Variants in ENTPD3 observed in about 807,000 individuals in gnomAD.
ENTPD3 encodes the protein CD39 antigen-like 3.
In ENTPD3, 60 loss-of-function variants were observed where a neutral mutation model predicts 51.2. The observed-to-expected ratio is 1.17, with a 90% CI of 0.95 to 1.45. The LOEUF (loss-of-function observed/expected upper bound fraction) is 1.45. ENTPD3 is among the 40% of genes most tolerant of loss of function. ENTPD3 has a pLI of 0.00. For synonymous variants in ENTPD3, 221 were observed against 238.4 expected, an observed-to-expected ratio of 0.93 and a Z score of 0.67; for missense variants, 593 against 641.1, an observed-to-expected ratio of 0.93 and a Z score of 0.81.
In ENTPD3 at chr3:40,427,453, C is replaced by T. The variant is rs1395423475; in HGVS notation, c.1535C>T (p.Thr512Ile). Residue 512 changes from threonine to isoleucine, a missense_variant, in exon 11 of 11, where the codon ACC becomes ATC. Thr to Ile is a moderately conservative substitution (Grantham distance 89, BLOSUM62 -1). Transcript: ENST00000301825. ...TTTCTTGCATACCTGTGTTCAGCAA[C>T]CAGAAGAAAGAGGCACTCCGAGCAT... ...LAFLAYLCSA[T>I]RRKRHSEHAF... 6.2e-7 allele frequency: 1 copy of T among 1,614,130 alleles called. No homozygotes were observed. The highest frequency in any genetic ancestry group is 1.3e-5 in the African/African-American group (1 of 75,042).
At chr3:40,420,448 C>T (rs918672857) in intron 7 of ENTPD3, among the ~76,000 whole-genome samples, 2 of 151,844 alleles carry the variant, frequency 1.3e-5, no homozygotes, top group Non-Finnish European at 2.9e-5. Context: ...ACTGTGTTAG[C>T]CAGGATGGCC....
intron 4 of ENTPD3, among the ~76,000 whole-genome samples, chr3:40,406,352 G>C (rs1321324673): frequency 6.6e-6 from 1 of 152,208 alleles, no homozygotes; most frequent in African/African-American, 2.4e-5. Context: ...ACTGAAGCTA[G>C]AGCCAAGGCC....
rs1460841231 is a variant in ENTPD3, at chr3:40,414,773, T to C, written c.530T>C (p.Ile177Thr). The change falls in exon 6 of 11, where the codon ATT becomes ACT. Residue 177 changes from isoleucine to threonine, a missense_variant. Physicochemically the swap from Ile to Thr is moderately conservative, Grantham distance 89 (BLOSUM62 -1). Transcript: ENST00000301825. ...TTTGACTTTAGGGGTGCTCAAATCA[T>C]TTCTGGGCAAGAAGAAGGGGTATAT... ...QPFDFRGAQI[I>T]SGQEEGVYGW... is the part of the protein sequence containing the mutation. The C allele has an allele frequency of 6.2e-6, 10 of 1,614,064 alleles. No individual in the cohort carries two copies. Among genetic ancestry groups the C allele is most frequent in the Non-Finnish European group, 8.5e-6 (10 of 1,179,970 alleles).
intron 3 of ENTPD3, among the ~76,000 whole-genome samples, chr3:40,399,963 T>C (rs1302277068): frequency 6.6e-6 from 1 of 152,148 alleles, no homozygotes; most frequent in Admixed American, 6.5e-5. Context: ...TGAGCACTGA[T>C]ACAGGTATTA....
chr3:40,401,245 G>A (rs930356924), intron 4 of ENTPD3, among the ~76,000 whole-genome samples: 2 of 152,164 alleles, frequency 1.3e-5, no homozygotes, highest in Non-Finnish European at 2.9e-5. Context: ...ATGGAAAGGG[G>A]TGGCGTCAAG....
chr3:40,407,887 G>A (rs1027341313), intron 4 of ENTPD3, among the ~76,000 whole-genome samples: 10 of 152,230 alleles, frequency 6.6e-5, no homozygotes, highest in South Asian at 2.1e-4. Context: ...CCCCCAGTGC[G>A]GTGATGTACA....
chr3:40,387,585 T>C (rs1954968034), intron 1 of ENTPD3, among the ~76,000 whole-genome samples: 2 of 152,070 alleles, frequency 1.3e-5, no homozygotes, highest in African/African-American at 4.8e-5. Flanking sequence ...CCGACATCCC[T>C]TTGCAATTTC....
At chr3:40,420,806 T>C (rs1955852564) in intron 7 of ENTPD3, among the ~76,000 whole-genome samples, 2 of 151,990 alleles carry the variant, frequency 1.3e-5, no homozygotes, top group Admixed American at 6.6e-5. Flanking sequence ...AATATGTACC[T>C]CAGTTTCCTC....
At chr3:40,426,141 C>T (rs1318252130) in intron 10 of ENTPD3, among the ~76,000 whole-genome samples, 8 of 134,350 alleles carry the variant, frequency 6.0e-5, no homozygotes, top group Admixed American at 5.1e-4. Flanking sequence ...CGGAGTCTCG[C>T]TCTGTCGCCT....
intron 2 of ENTPD3, chr3:40,391,284 A>G (rs983088900): frequency 1.3e-5 from 2 of 151,968 alleles, no homozygotes; most frequent in Non-Finnish European, 2.9e-5. Flanking sequence ...TCTTTAACTG[A>G]GATTATTTTT....
Position 40,420,534 on chromosome 3 carries a change from C to T in ENTPD3, c.832-2316C>T, listed in dbSNP as rs866593167. On this transcript the variant is annotated intron_variant, in intron 7 of 10. Transcript: ENST00000301825. ...AATTACACGTGTGAGCCACCACGCCCCGCATATTTTTTCTTTCAACCAATA... is the reference window on the plus strand; with the variant it reads ...AATTACACGTGTGAGCCACCACGCCTCGCATATTTTTTCTTTCAACCAATA... Among the ~76,000 whole-genome samples the T allele has an allele frequency of 3.3e-5, 5 of 151,970 alleles. No homozygotes were observed. The East Asian group carries it at 5.8e-4, about 18-fold the overall frequency.
intron 3 of ENTPD3, 109 bp from the exon 4 acceptor site, chr3:40,400,784 TA>T: frequency 1.3e-6 from 1 of 753,462 alleles, no homozygotes; most frequent in Non-Finnish European, 2.2e-6. Flanking sequence ...AGCCCTTCCC[TA>T]AGCGAAGCAG....
chr3:40,416,914 G>A (rs1168309683), intron 7 of ENTPD3, among the ~76,000 whole-genome samples: 23 of 152,140 alleles, frequency 1.5e-4, no homozygotes, highest in Admixed American at 1.3e-3. Context: ...ACCCACGTTC[G>A]TCCAACCTAC....
intron 3 of ENTPD3, among the ~76,000 whole-genome samples, chr3:40,400,369 A>G (rs900858009): frequency 2.0e-5 from 3 of 152,140 alleles, no homozygotes; most frequent in Non-Finnish European, 2.9e-5. Context: ...TAGACTGATA[A>G]GCCTAGAAGT....
At chr3:40,415,750 T>C (rs1955730937) in intron 6 of ENTPD3, 90 bp from the exon 7 acceptor site, 9 of 933,392 alleles carry the variant, frequency 9.6e-6, no homozygotes, top group Non-Finnish European at 1.4e-5. Context: ...TACTTCTTAG[T>C]AATAGGAGAC....
chr3:40,409,885 A>G (rs1255546689), intron 4 of ENTPD3, among the ~76,000 whole-genome samples: 2 of 152,240 alleles, frequency 1.3e-5, no homozygotes, highest in Admixed American at 6.5e-5. Context: ...CAAAGAAAAA[A>G]AAAGTGGAGA....
At chr3:40,399,692 A>C (rs754748622) in intron 3 of ENTPD3, 6 of 152,178 alleles carry the variant, frequency 3.9e-5, no homozygotes, top group Admixed American at 6.5e-5. Context: ...TAGGCTACTA[A>C]TACATGCTCT....
chr3:40,393,791 A>T (rs1474118409), intron 3 of ENTPD3, among the ~76,000 whole-genome samples: 1 of 152,064 alleles, frequency 6.6e-6, no homozygotes, highest in African/African-American at 2.4e-5. Flanking sequence ...CTGTATATAA[A>T]ATTGGGACTT....
At chr3:40,410,477 T>C (rs2125601297) in intron 4 of ENTPD3, among the ~76,000 whole-genome samples, 1 of 151,702 alleles carries the variant, frequency 6.6e-6, no homozygotes, top group South Asian at 2.1e-4. Context: ...GATATCACTA[T>C]TTGCAACCCC....
Sources: allele counts gnomAD v4.1 joint callset (sites outside exome capture counted in the v4.1 genomes callset), GRCh38; gene constraint gnomAD v4.1.1; transcripts MANE v1.5; gene names NCBI Gene and HGNC (gene_info 2026-07-23, HGNC 2026-07-21).